FER: variants seen among roughly 807,000 people sequenced by gnomAD.
The protein encoded by FER is tyrosine-protein kinase Fer.
A neutral mutation model predicts 111.0 loss-of-function variants in FER; 63 were observed. That is an observed-to-expected ratio of 0.57 (90% CI 0.46 to 0.70). The LOEUF (loss-of-function observed/expected upper bound fraction) is 0.70, where lower values mean the gene tolerates loss of function less well. Among genes scored for constraint, FER ranks in the 30% least tolerant of loss-of-function variants. FER has a pLI of 0.00. For missense variants in FER, 914 were observed against 954.0 expected (o/e 0.96, Z 0.55); for synonymous variants, 327 against 313.9 (o/e 1.04, Z -0.44).
chr5:108,868,632 CTT>C (rs1186239131), intron 6 of FER, among the ~76,000 whole-genome samples: 1 of 151,996 alleles, frequency 6.6e-6, no homozygotes, highest in African/African-American at 2.4e-5. Flanking sequence ...TCGGGGAATT[CTT>C]CAATGTTAGA....
At chr5:109,136,619 C>G (rs1342701075) in intron 17 of FER, among the ~76,000 whole-genome samples, 1 of 152,118 alleles carries the variant, frequency 6.6e-6, no homozygotes, top group African/African-American at 2.4e-5. Flanking sequence ...ATTTGATCTT[C>G]ACAGTAGCCT....
At chr5:109,096,708 A>G (rs1449315446) in intron 16 of FER, among the ~76,000 whole-genome samples, 2 of 151,806 alleles carry the variant, frequency 1.3e-5, no homozygotes, top group Admixed American at 1.3e-4. Context: ...TGGGCAGGGG[A>G]AGAGATTTCA....
chr5:109,020,759 G>T (rs17407366), intron 13 of FER, among the ~76,000 whole-genome samples: 17,099 of 151,982 alleles, frequency 0.11, 980 homozygotes, highest in Non-Finnish European at 0.12. Context: ...ACTGTAAAAA[G>T]ACCTCAAAAT....
At chr5:108,769,791 T>A (rs1005364650) in intron 2 of FER, among the ~76,000 whole-genome samples, 3 of 152,196 alleles carry the variant, frequency 2.0e-5, no homozygotes, top group Non-Finnish European at 4.4e-5. Flanking sequence ...TAGAAAACTA[T>A]CTTTCTTGTT....
At position 109,163,091 on chromosome 5, in the gene FER, T is replaced by G. The variant is rs149900531; in HGVS notation, c.2049-17656T>G. Among the ~76,000 whole-genome samples, 104 of 152,254 alleles carry G rather than the reference T, an allele frequency of 6.8e-4. 2 individuals carry two copies. Among genetic ancestry groups the G allele is most frequent in the African/African-American group, 2.3e-3 (94 of 41,576 alleles). ...AAATTGCATTTACATCGAGCTATGA[T>G]CTCTAATGTCTAAATGATCGACATT... On this transcript the variant is annotated intron_variant, in intron 17 of 19. Coordinates refer to ENST00000281092, the MANE Select transcript of FER (RefSeq NM_005246.4).
rs559460398 is a variant in FER, at chr5:109,027,634, A to G, written c.1657-9788A>G. On this transcript the variant is annotated intron_variant, in intron 13 of 19. Coordinates refer to ENST00000281092, the MANE Select transcript of FER (RefSeq NM_005246.4). The stretch of plus-strand genomic sequence containing the variant: ...GATAACTTTAGGAAGAAATGGCACA[A>G]CCATCCAAAGAGATTTGGCAGCGGT... Among the ~76,000 whole-genome samples, 39 of 152,320 alleles carry G rather than the reference A, an allele frequency of 2.6e-4. 1 individual carries two copies. Among genetic ancestry groups the G allele is most frequent in the Admixed American group, 2.4e-3 (37 of 15,294 alleles).
intron 9 of FER, among the ~76,000 whole-genome samples, chr5:108,885,870 T>G (rs1449688521): frequency 6.6e-6 from 1 of 151,948 alleles, no homozygotes; most frequent in Non-Finnish European, 1.5e-5. Flanking sequence ...TCTGCAAATT[T>G]TTAGTATTGC....
rs994846406 is a variant in FER at position 109,189,849 on chromosome 5, T to C, written c.*2274T>C. On this transcript the variant is annotated 3_prime_UTR_variant, in exon 20 of 20. Coordinates refer to ENST00000281092, the MANE Select transcript of FER (RefSeq NM_005246.4). ...GTTAAGAATGAACACAGCATTGATA[T>C]TTCACTTATCCAGGCTGTTAGAATT... 2.0e-5 allele frequency: 3 copies of C among 152,202 alleles called. No individual in the cohort carries two copies. The highest frequency in any genetic ancestry group is 4.4e-5 in the Non-Finnish European group (3 of 68,032). 9.4% of individuals were successfully genotyped at this position (152,202 alleles called of 1,614,324 possible). A position where few individuals can be genotyped will look rare whatever the true frequency, so the allele number is the denominator to read the frequency against.
At chr5:108,887,213 T>C (rs1747305120) in intron 9 of FER, among the ~76,000 whole-genome samples, 2 of 151,732 alleles carry the variant, frequency 1.3e-5, no homozygotes, top group Admixed American at 1.3e-4. Flanking sequence ...ATTAATGGAA[T>C]TATATTGAAT....
At chr5:108,806,833 T>G (rs926288513) in intron 3 of FER, among the ~76,000 whole-genome samples, 1 of 152,190 alleles carries the variant, frequency 6.6e-6, no homozygotes, top group African/African-American at 2.4e-5. Context: ...GGGACTTGCC[T>G]TGTCTCAGAT....
chr5:109,012,571 A>G (rs59779795), intron 13 of FER, among the ~76,000 whole-genome samples: 1,853 of 152,336 alleles, frequency 0.012, 45 homozygotes, highest in African/African-American at 0.043. Context: ...ATATGATTCC[A>G]TAAAGCCTTT....
At chr5:109,187,271 A>ACCTGTAGAAAATAAAAACTCAGCCTCC (rs1411525637) in intron 19 of FER, among the ~76,000 whole-genome samples, 162 bp from the exon 20 acceptor site, 20 of 152,208 alleles carry the variant, frequency 1.3e-4, no homozygotes, top group Non-Finnish European at 1.8e-4. Flanking sequence ...ATTCTGCATC[A>ACCTGTAGAAAATAAAAACTCAGCCTCC]CCTGTAGAAA....
At chr5:108,771,461 C>A (rs1752891839) in intron 2 of FER, among the ~76,000 whole-genome samples, 1 of 152,114 alleles carries the variant, frequency 6.6e-6, no homozygotes, top group African/African-American at 2.4e-5. Context: ...TATTCCACTT[C>A]CTTCTCCTTT....
intron 17 of FER, among the ~76,000 whole-genome samples, chr5:109,146,253 AATAT>A (rs6149172): frequency 0.046 from 1,925 of 41,982 alleles, 70 homozygotes; most frequent in African/African-American, 0.069. Flanking sequence ...TAATCTATCT[AATAT>A]ATATATATAT....
intron 3 of FER, among the ~76,000 whole-genome samples, chr5:108,814,409 G>T (rs779808120): frequency 3.3e-5 from 5 of 152,144 alleles, no homozygotes; most frequent in Non-Finnish European, 5.9e-5. Flanking sequence ...ACAGGGGAGG[G>T]CGTTCCTGAA....
intron 16 of FER, among the ~76,000 whole-genome samples, chr5:109,055,628 T>C (rs1455618367): frequency 6.6e-6 from 1 of 151,760 alleles, no homozygotes; most frequent in East Asian, 1.9e-4. Context: ...CTATGACTTT[T>C]TTTTTTAAAT....
intron 3 of FER, among the ~76,000 whole-genome samples, chr5:108,807,046 C>G (rs978369819): frequency 6.6e-6 from 1 of 152,080 alleles, no homozygotes; most frequent in Non-Finnish European, 1.5e-5. Context: ...GGAGGAACCC[C>G]GTGGGAGGTG....
chr5:108,999,525 G>A (rs1035381261), intron 13 of FER, among the ~76,000 whole-genome samples: 4 of 152,074 alleles, frequency 2.6e-5, no homozygotes, highest in Admixed American at 6.5e-5. Flanking sequence ...GAGATGTGAC[G>A]TATGTGTGAG....
intron 3 of FER, chr5:108,819,965 T>G: frequency 1.0e-6 from 1 of 984,932 alleles, no homozygotes; most frequent in Non-Finnish European, 1.2e-6. Flanking sequence ...ATTGAGCTGA[T>G]GGGGCCAATG....
Sources: allele counts gnomAD v4.1 joint callset (sites outside exome capture counted in the v4.1 genomes callset), GRCh38; gene constraint gnomAD v4.1.1; transcripts MANE v1.5; gene names NCBI Gene and HGNC (gene_info 2026-07-23, HGNC 2026-07-21).